Variants in MALRD1 observed in about 807,000 individuals in gnomAD.
MALRD1 encodes MAM and LDL-receptor class A domain-containing protein 1.
In MALRD1, 247 loss-of-function variants were observed where a neutral mutation model predicts 242.1. The ratio of observed to expected loss-of-function variants is 1.02; its 90% CI spans 0.92 to 1.13. MALRD1 has a LOEUF of 1.13. MALRD1 is among the 50% of genes most tolerant of loss of function. The pLI, the probability that MALRD1 is intolerant of heterozygous loss-of-function variation, is 0.00. For missense variants in MALRD1, 2,989 were observed against 2,533.1 expected (o/e 1.18, Z -3.86); for synonymous variants, 995 against 866.6 (o/e 1.15, Z -2.60).
At chr10:19,134,994 T>C (rs1009842410) in intron 9 of MALRD1, among the ~76,000 whole-genome samples, 1 of 152,186 alleles carries the variant, frequency 6.6e-6, no homozygotes, top group African/African-American at 2.4e-5. Context: ...TTTACATGTA[T>C]GATATTCATT....
At chr10:19,384,398 T>A (rs1389013680) in intron 26 of MALRD1, among the ~76,000 whole-genome samples, 1 of 75,164 alleles carries the variant, frequency 1.3e-5, no homozygotes, top group East Asian at 3.1e-4. Flanking sequence ...ATATTATATA[T>A]TATATAGTAT....
At chr10:19,213,171 T>C (rs2245459) in intron 18 of MALRD1, among the ~76,000 whole-genome samples, 135,881 of 151,982 alleles carry the variant, frequency 0.89, 61,023 homozygotes, top group East Asian at 1. Context: ...TACTCAGAGT[T>C]CCAAATGTTT....
intron 5 of MALRD1, among the ~76,000 whole-genome samples, chr10:19,116,964 G>A (rs552285350): frequency 7.2e-5 from 11 of 151,726 alleles, no homozygotes; most frequent in African/African-American, 1.5e-4. Flanking sequence ...GCGTGGTGGC[G>A]GGCCCCTGTA....
At chr10:19,170,461 A>G (rs1006201284) in intron 13 of MALRD1, among the ~76,000 whole-genome samples, 2 of 152,196 alleles carry the variant, frequency 1.3e-5, no homozygotes, top group African/African-American at 4.8e-5. Context: ...AATTTCACAC[A>G]ATGATGGATA....
intron 2 of MALRD1, among the ~76,000 whole-genome samples, chr10:19,071,024 G>T (rs1293971952): frequency 2.0e-5 from 3 of 151,358 alleles, no homozygotes; most frequent in Non-Finnish European, 4.4e-5. Context: ...GCTAATTTTT[G>T]TACTTTTAGT....
intron 9 of MALRD1, among the ~76,000 whole-genome samples, chr10:19,135,459 C>A (rs1446043138): frequency 6.6e-6 from 1 of 152,108 alleles, no homozygotes; most frequent in African/African-American, 2.4e-5. Flanking sequence ...TGACCTATCC[C>A]TCATGTTTTG....
Position 19,124,666 on chromosome 10 carries a change from T to G in MALRD1, c.939T>G (p.Asp313Glu), listed in dbSNP as rs1837189426. 7.3e-6 allele frequency: 9 copies of G among 1,233,632 alleles called. No homozygotes were observed. Among genetic ancestry groups the G allele is most frequent in the Non-Finnish European group, 9.1e-6 (9 of 988,084 alleles). The allele number at this position is 1,233,632 out of a possible 1,614,324, so 76.4% of individuals were successfully genotyped here. A position where few individuals can be genotyped will look rare whatever the true frequency, so the allele number is the denominator to read the frequency against. ...CTCAGCAGGATCAAGGAGGTGATGA[T>G]GAAGGTAGAAAAAAAAATAATATCT... ...STPQQDQGGD[D>E]EGYYVWVGAK... Residue 313 changes from aspartate (D) to glutamate (E), a missense_variant, in exon 7 of 40, where the codon GAT becomes GAG. Physicochemically the swap from Asp to Glu is conservative, Grantham distance 45. Transcript: ENST00000454679.
At chr10:19,423,390 TTAAA>T (rs1833786010) in intron 28 of MALRD1, among the ~76,000 whole-genome samples, 3 of 151,968 alleles carry the variant, frequency 2.0e-5, no homozygotes, top group Admixed American at 1.3e-4. Context: ...AAGCTTATTA[TTAAA>T]TAAATATTAA....
intron 36 of MALRD1, among the ~76,000 whole-genome samples, chr10:19,681,360 A>G (rs1028923568): frequency 6.6e-6 from 1 of 151,698 alleles, no homozygotes; most frequent in African/African-American, 2.4e-5. Flanking sequence ...ATTCCTTTTT[A>G]TTCTTTTTTC....
intron 12 of MALRD1, among the ~76,000 whole-genome samples, chr10:19,160,283 G>A (rs1834340652): frequency 1.4e-5 from 2 of 146,974 alleles, no homozygotes; most frequent in Non-Finnish European, 3.0e-5. Flanking sequence ...TGCGTATATT[G>A]AACCAGCCTT....
chr10:19,235,944 T>C (rs2131714233), intron 18 of MALRD1, among the ~76,000 whole-genome samples: 1 of 152,200 alleles, frequency 6.6e-6, no homozygotes, highest in African/African-American at 2.4e-5. Context: ...AAGAAATTGG[T>C]TGAAGACTAG....
At chr10:19,214,751 A>T (rs183545123) in intron 18 of MALRD1, among the ~76,000 whole-genome samples, 47 of 152,294 alleles carry the variant, frequency 3.1e-4, no homozygotes, top group African/African-American at 1.0e-3. Flanking sequence ...ACACTTGTTG[A>T]GATTGGGAAA....
chr10:19,390,179 T>G (rs12774252), intron 28 of MALRD1, among the ~76,000 whole-genome samples: 18,232 of 152,304 alleles, frequency 0.12, 1,201 homozygotes, highest in South Asian at 0.16. Context: ...CATACATTTC[T>G]TCTTCCTATT....
chr10:19,381,673 C>CAAAA (rs542568281), intron 26 of MALRD1, among the ~76,000 whole-genome samples: 1,936 of 118,510 alleles, frequency 0.016, 18 homozygotes, highest in Middle Eastern at 0.034. Context: ...ACTAAAAATA[C>CAAAA]AAAAAAAAAA....
chr10:19,531,165 T>G, intron 31 of MALRD1, 29 bp from the exon 32 acceptor site: 1 of 1,530,236 alleles, frequency 6.5e-7, no homozygotes, highest in South Asian at 1.2e-5. Flanking sequence ...ATCATTACAC[T>G]GAAAAAAATT....
chr10:19,616,830 T>C (rs1006179691), intron 36 of MALRD1, among the ~76,000 whole-genome samples: 12 of 152,068 alleles, frequency 7.9e-5, no homozygotes, highest in African/African-American at 2.9e-4. Context: ...TGCTTTAGTT[T>C]AACATTGTTG....
At chr10:19,683,834 A>G (rs1807137) in intron 36 of MALRD1, among the ~76,000 whole-genome samples, 3,148 of 152,236 alleles carry the variant, frequency 0.021, 119 homozygotes, top group African/African-American at 0.072. Context: ...ATAGGTATAC[A>G]TGTGCTGTGG....
chr10:19,694,930 G>A (rs773415404), intron 38 of MALRD1, among the ~76,000 whole-genome samples: 69 of 152,146 alleles, frequency 4.5e-4, no homozygotes, highest in Non-Finnish European at 7.9e-4. Context: ...CAGGGACATG[G>A]ATGAAGCTGG....
At chr10:19,213,983 A>G (rs552478576) in intron 18 of MALRD1, among the ~76,000 whole-genome samples, 50 of 152,318 alleles carry the variant, frequency 3.3e-4, no homozygotes, top group Middle Eastern at 3.4e-3. Context: ...TAAAATAAGC[A>G]CTATTACTGG....
Sources: allele counts gnomAD v4.1 joint callset (sites outside exome capture counted in the v4.1 genomes callset), GRCh38; gene constraint gnomAD v4.1.1; transcripts MANE v1.5; gene names NCBI Gene and HGNC (gene_info 2026-07-23, HGNC 2026-07-21).